CALD1: variants seen among roughly 807,000 people sequenced by gnomAD.
CALD1 encodes caldesmon.
Under a neutral mutation model 99.9 loss-of-function variants are expected in CALD1, and 33 were observed. The observed-to-expected ratio is 0.33, with a 90% confidence interval of 0.25 to 0.44. The LOEUF (loss-of-function observed/expected upper bound fraction) is 0.44. Among genes scored for constraint, CALD1 ranks in the 20% least tolerant of loss-of-function variants. The pLI, the probability that CALD1 is intolerant of heterozygous loss-of-function variation, is 1.00. For synonymous variants in CALD1, 310 were observed against 325.0 expected (o/e 0.95, Z 0.50); for missense variants, 861 against 962.1 (o/e 0.89, Z 1.39).
chr7:134,953,422 C>T (rs57603625), intron 9 of CALD1, among the ~76,000 whole-genome samples: 2 of 151,600 alleles, frequency 1.3e-5, no homozygotes, highest in Non-Finnish European at 2.9e-5. Flanking sequence ...GTTAGCTGGG[C>T]GCAGTGGCGC....
intron 3 of CALD1, among the ~76,000 whole-genome samples, chr7:134,883,518 A>G (rs1176533903): frequency 6.6e-6 from 1 of 152,144 alleles, no homozygotes; most frequent in Non-Finnish European, 1.5e-5. Context: ...TATTCTATAA[A>G]TTAGTGAGAT....
intron 1 of CALD1, among the ~76,000 whole-genome samples, chr7:134,802,454 G>T (rs912477706): frequency 6.6e-6 from 1 of 152,074 alleles, no homozygotes; most frequent in Non-Finnish European, 1.5e-5. Context: ...TACATAACTT[G>T]TTTTCCATTG....
At chr7:134,725,305 A>G in the CALD1 span, among the ~76,000 whole-genome samples, 1 of 152,210 alleles carries the variant, frequency 6.6e-6, no homozygotes, top group Non-Finnish European at 1.5e-5. Context: ...CCATGGAACA[A>G]AAGGAGGTGT....
At chr7:134,775,154 C>A (rs955381858), upstream of CALD1, among the ~76,000 whole-genome samples, 4 of 151,994 alleles carry the variant, frequency 2.6e-5, no homozygotes, top group Admixed American at 1.3e-4. Flanking sequence ...TGATTGTAAC[C>A]CTGCCATTAA....
At chr7:134,749,447 C>G (rs1486092095) in intron 1 of CALD1, among the ~76,000 whole-genome samples, 1 of 152,158 alleles carries the variant, frequency 6.6e-6, no homozygotes, top group African/African-American at 2.4e-5. Context: ...TGGTGAAACC[C>G]CATCTCTACT....
intron 3 of CALD1, among the ~76,000 whole-genome samples, chr7:134,892,913 C>T (rs1017021427): frequency 2.6e-5 from 4 of 151,922 alleles, no homozygotes; most frequent in African/African-American, 9.7e-5. Flanking sequence ...TCAAAACTTC[C>T]TTGGAATCCT....
In CALD1 at chr7:134,947,525, C is replaced by T; in HGVS notation, c.1550C>T (p.Ala517Val). ...ENTFSRPGGR[A>V]SVDTKEAEGA... is the part of the protein sequence containing the mutation. ...AACCACAGCCGCCCTGGAGGGAGGG[C>T]CAGCGTGGACACCAAGGAGGCTGAG... Residue 517 changes from alanine (A) to valine (V), a missense_variant, in exon 8 of 15, where the codon GCC becomes GTC. By Grantham distance (64) the Ala-to-Val change is moderately conservative. This residue lies in a region of CALD1 where 293 missense variants were observed against 262.7 expected (regional missense o/e 1.12). Coordinates refer to ENST00000361675, the MANE Select transcript of CALD1 (RefSeq NM_033138.4). 1 of 1,568,414 alleles carries T rather than the reference C, an allele frequency of 6.4e-7. No individual in the cohort carries two copies. Among genetic ancestry groups the T allele is most frequent in the Admixed American group, 1.8e-5 (1 of 54,272 alleles).
At chr7:134,962,986 G>A in intron 13 of CALD1, 1 of 451,744 alleles carries the variant, frequency 2.2e-6, no homozygotes, top group Non-Finnish European at 4.4e-6. Flanking sequence ...TTATAACTCA[G>A]ATGTTCATAT....
At chr7:134,913,794 G>A (rs1468097757) in intron 3 of CALD1, among the ~76,000 whole-genome samples, 2 of 152,204 alleles carry the variant, frequency 1.3e-5, no homozygotes, top group African/African-American at 4.8e-5. Context: ...AGATGATAGA[G>A]GTGTGGTTGT....
intron 9 of CALD1, among the ~76,000 whole-genome samples, chr7:134,953,656 GTTTT>G (rs779536183): frequency 1.7e-5 from 2 of 117,976 alleles, no homozygotes; most frequent in Non-Finnish European, 1.8e-5. Flanking sequence ...TTCTACTGTG[GTTTT>G]TTTTTTTTGT....
chr7:134,905,036 G>C (rs929955621), intron 3 of CALD1, among the ~76,000 whole-genome samples: 1 of 152,074 alleles, frequency 6.6e-6, no homozygotes, highest in East Asian at 1.9e-4. Context: ...TAATCAACAG[G>C]GAGGAACAAG....
At chr7:134,841,332 T>TA (rs1799639612) in intron 1 of CALD1, among the ~76,000 whole-genome samples, 1 of 152,252 alleles carries the variant, frequency 6.6e-6, no homozygotes, top group Non-Finnish European at 1.5e-5. Context: ...AGACAATTAA[T>TA]AATGTGTTAT....
intron 2 of CALD1, among the ~76,000 whole-genome samples, chr7:134,860,979 T>C (rs1800538030): frequency 6.6e-6 from 1 of 152,222 alleles, no homozygotes; most frequent in Admixed American, 6.5e-5. Flanking sequence ...TTATGTAGGA[T>C]GCTGTGGTAT....
chr7:134,778,123 G>GT (rs1796956578), upstream of CALD1, among the ~76,000 whole-genome samples: 2 of 152,138 alleles, frequency 1.3e-5, no homozygotes, highest in South Asian at 2.1e-4. Context: ...CTCAGCTATA[G>GT]TTTTTTGGGC....
chr7:134,932,859 C>G (rs577959257), intron 4 of CALD1, 129 bp from the exon 5 acceptor site: 3 of 585,612 alleles, frequency 5.1e-6, no homozygotes, highest in Non-Finnish European at 9.0e-6. Flanking sequence ...AAAATGGTAA[C>G]GTACTGGGGA....
At position 134,804,144 on chromosome 7, in the gene CALD1, C is replaced by T. The variant is rs530054757; in HGVS notation, c.-130+24395C>T. 9.8e-5 allele frequency among the ~76,000 whole-genome samples: 15 copies of T among 152,346 alleles called. No individual in the cohort carries two copies. In the South Asian group the frequency reaches 3.1e-3, roughly 32 times the overall value. ...TACTGTTGGAGATAAGGATTTAGTA[C>T]ATTCATACAATCTCCCCGTTCAATA... On this transcript the variant is annotated intron_variant, in intron 1 of 14. Transcript: ENST00000361675.
At chr7:134,901,235 A>G (rs1271304946) in intron 3 of CALD1, among the ~76,000 whole-genome samples, 2 of 151,944 alleles carry the variant, frequency 1.3e-5, no homozygotes, top group Non-Finnish European at 2.9e-5. Flanking sequence ...GAGAGCATAA[A>G]TTAAGACTAT....
chr7:134,914,599 G>A (rs1376400744), intron 3 of CALD1, among the ~76,000 whole-genome samples: 2 of 152,152 alleles, frequency 1.3e-5, no homozygotes, highest in East Asian at 3.8e-4. Context: ...TACCAAGCAC[G>A]ATTGGCGCCT....
intron 3 of CALD1, among the ~76,000 whole-genome samples, chr7:134,896,060 C>G (rs573587924): frequency 6.6e-6 from 1 of 152,278 alleles, no homozygotes; most frequent in East Asian, 1.9e-4. Context: ...CACCCTGCCA[C>G]TCTGGCTCAT....
Sources: allele counts gnomAD v4.1 joint callset (sites outside exome capture counted in the v4.1 genomes callset), GRCh38; gene constraint gnomAD v4.1.1; regional missense constraint gnomAD v4.1.1; transcripts MANE v1.5; gene names NCBI Gene and HGNC (gene_info 2026-07-23, HGNC 2026-07-21).